The following CUBN variants were observed in gnomAD, a reference collection of about 807,000 sequenced individuals.
CUBN encodes the protein 460 kDa receptor.
Under a neutral mutation model 405.3 loss-of-function variants are expected in CUBN, and 282 were observed. The ratio of observed to expected loss-of-function variants is 0.70; its 90% CI spans 0.63 to 0.77. The LOEUF is 0.77. Ranked by LOEUF, CUBN falls within the 30% of genes least tolerant of loss-of-function variation. The probability of loss-of-function intolerance (pLI) is 0.00; values close to 1 mark genes in which losing one functional copy is unlikely to be tolerated. For missense variants in CUBN, 4,514 were observed against 4,475.2 expected (o/e 1.01, Z -0.25); for synonymous variants, 1,684 against 1,617.0 (o/e 1.04, Z -0.99).
At chr10:16,834,529 A>G (rs952990830) in intron 64 of CUBN, among the ~76,000 whole-genome samples, 2 of 152,126 alleles carry the variant, frequency 1.3e-5, no homozygotes, top group African/African-American at 4.8e-5. Context: ...ATTCAAGGAA[A>G]CACTTGTCTT....
chr10:17,045,314 A>C (rs190943553), intron 24 of CUBN, 126 bp from the exon 25 acceptor site: 5 of 934,726 alleles, frequency 5.3e-6, no homozygotes, highest in Non-Finnish European at 6.8e-6. Flanking sequence ...AAATGGCATC[A>C]TGAAAGAGTA....
chr10:17,087,333 TCTC>T (rs1219541894), intron 15 of CUBN, among the ~76,000 whole-genome samples: 1 of 152,106 alleles, frequency 6.6e-6, no homozygotes, highest in African/African-American at 2.4e-5. Context: ...AAGAGCCTTT[TCTC>T]CTCCTCCATA....
chr10:16,826,330 TAAG>T (rs1187570293), intron 66 of CUBN, among the ~76,000 whole-genome samples: 1 of 151,818 alleles, frequency 6.6e-6, no homozygotes, highest in Non-Finnish European at 1.5e-5. Context: ...ATTGTATACT[TAAG>T]GAGTATACAT....
chr10:17,036,892 G>A (rs1834914360), intron 27 of CUBN, among the ~76,000 whole-genome samples: 1 of 152,116 alleles, frequency 6.6e-6, no homozygotes, highest in South Asian at 2.1e-4. Flanking sequence ...AGGACACTGT[G>A]AGAGTGCTCC....
intron 25 of CUBN, 71 bp from the exon 26 acceptor site, chr10:17,044,054 GA>G: frequency 4.8e-6 from 5 of 1,033,884 alleles, no homozygotes; most frequent in Non-Finnish European, 7.1e-6. Context: ...TAATCCAGAA[GA>G]AGTGAGGAAG....
intron 13 of CUBN, 26 bp downstream of exon 13, chr10:17,103,099 A>G (rs1350248826): frequency 7.9e-7 from 1 of 1,268,396 alleles, no homozygotes; most frequent in Admixed American, 1.7e-5. Context: ...TATAATATGC[A>G]TTTGGGCAAG....
intron 31 of CUBN, among the ~76,000 whole-genome samples, chr10:16,968,601 C>G (rs116805431): frequency 2.0e-5 from 3 of 152,312 alleles, no homozygotes; most frequent in Admixed American, 6.5e-5. Flanking sequence ...CAGGGGCCAG[C>G]TGGTGCTGCT....
chr10:16,969,559 T>C (rs767584991), intron 31 of CUBN, among the ~76,000 whole-genome samples: 2 of 152,216 alleles, frequency 1.3e-5, no homozygotes, highest in Non-Finnish European at 2.9e-5. Context: ...TTCATCATGT[T>C]GGCCAGGATG....
chr10:16,909,276 A>G (rs1011130755), intron 48 of CUBN, among the ~76,000 whole-genome samples: 4 of 152,174 alleles, frequency 2.6e-5, no homozygotes, highest in African/African-American at 9.7e-5. Context: ...ACTGGACCAG[A>G]AGAAGAGTTT....
Position 16,872,064 on chromosome 10 carries a change from A to AAT in CUBN, c.9237-2213_9237-2212dup, listed in dbSNP as rs61318193. Among the ~76,000 whole-genome samples the AAT allele has an allele frequency of 8.8e-3, 1,317 of 150,144 alleles. 13 individuals carry two copies. Among genetic ancestry groups the AAT allele is most frequent in the African/African-American group, 0.024 (963 of 40,914 alleles). On this transcript the variant is annotated intron_variant, in intron 58 of 66. Coordinates refer to ENST00000377833, the MANE Select transcript of CUBN (RefSeq NM_001081.4). Reference sequence around the variant, plus strand: ...ACATGGCAAAACTCCATCTCTACTAAATATATATATATATACAAAAGAAAA... The same window carrying AAT: ...ACATGGCAAAACTCCATCTCTACTAAATATATATATATATATACAAAAGAAAA...
intron 43 of CUBN, among the ~76,000 whole-genome samples, chr10:16,923,031 T>G (rs1206110656): frequency 1.3e-5 from 2 of 151,866 alleles, no homozygotes; most frequent in Non-Finnish European, 2.9e-5. Flanking sequence ...AAAACTAAGG[T>G]CTTTCTATGT....
At chr10:16,988,823 C>T (rs576283001) in intron 29 of CUBN, among the ~76,000 whole-genome samples, 4 of 152,204 alleles carry the variant, frequency 2.6e-5, no homozygotes, top group Admixed American at 2.6e-4. Context: ...TCTTCCACTC[C>T]CCTTCCATGT....
At chr10:16,918,919 T>A in intron 44 of CUBN, 119 bp from the exon 45 acceptor site, 1 of 967,022 alleles carries the variant, frequency 1.0e-6, no homozygotes, top group Non-Finnish European at 1.6e-6. Context: ...CATAAAAAAC[T>A]ATGATAGAAT....
chr10:16,845,789 C>G (rs188418189), intron 60 of CUBN, among the ~76,000 whole-genome samples: 1 of 152,154 alleles, frequency 6.6e-6, no homozygotes, highest in Non-Finnish European at 1.5e-5. Context: ...GATGGACAGC[C>G]CCTCCTCAGC....
In CUBN at chr10:17,046,037, G is replaced by T. The variant is rs1835124980; in HGVS notation, c.3387C>A (p.Pro1129=). The T allele has an allele frequency of 6.2e-7, 1 of 1,613,518 alleles. No homozygotes were observed. Among genetic ancestry groups the T allele is most frequent in the African/African-American group, 1.3e-5 (1 of 74,876 alleles). The change falls in exon 24 of 67, where the codon CCC becomes CCA. Residue 1129 remains proline, a synonymous_variant. Coordinates refer to ENST00000377833, the MANE Select transcript of CUBN (RefSeq NM_001081.4). ...TGTTACTATGAGAGATGATTGTTGG[G>T]GGTAGATTTGAGCCATAGAATATTC... ...LLGIFYGSNL[P]PTIISHSNKL...
intron 65 of CUBN, among the ~76,000 whole-genome samples, chr10:16,829,765 C>G (rs1838919518): frequency 6.6e-6 from 1 of 152,052 alleles, no homozygotes; most frequent in Non-Finnish European, 1.5e-5. Context: ...ATCTCACCTT[C>G]ACCTCAGTCT....
intron 31 of CUBN, among the ~76,000 whole-genome samples, chr10:16,961,950 G>A (rs1360351354): frequency 6.6e-6 from 1 of 152,008 alleles, no homozygotes; most frequent in East Asian, 1.9e-4. Context: ...CTGACCTCGT[G>A]ATCCGCCCGC....
At chr10:16,928,851 C>T (rs748813542) in intron 40 of CUBN, among the ~76,000 whole-genome samples, 1 of 152,116 alleles carries the variant, frequency 6.6e-6, no homozygotes, top group African/African-American at 2.4e-5. Flanking sequence ...CACCGTCTTT[C>T]TAAAAACTGG....
chr10:17,102,596 T>C (rs1047008664), intron 13 of CUBN, among the ~76,000 whole-genome samples: 4 of 35,858 alleles, frequency 1.1e-4, no homozygotes. Context: ...CTTGTTACTC[T>C]TTTTTTTTTT....
Sources: allele counts gnomAD v4.1 joint callset (sites outside exome capture counted in the v4.1 genomes callset), GRCh38; gene constraint gnomAD v4.1.1; transcripts MANE v1.5; gene names NCBI Gene and HGNC (gene_info 2026-07-23, HGNC 2026-07-21).